NRG4: variants seen among roughly 807,000 people sequenced by gnomAD.
The protein encoded by NRG4 is neuregulin 4, also known as pro-neuregulin-4, membrane-bound isoform.
A neutral mutation model predicts 15.0 loss-of-function variants in NRG4; 10 were observed. The observed-to-expected ratio is 0.67, with a 90% CI of 0.41 to 1.13. The LOEUF (loss-of-function observed/expected upper bound fraction) is 1.13. Ranked by LOEUF, NRG4 falls within the 50% of genes most tolerant of loss-of-function variation. The pLI is 0.00. For missense variants in NRG4, 139 were observed against 140.2 expected (o/e 0.99, Z 0.04); for synonymous variants, 41 against 50.1 (o/e 0.82, Z 0.77).
At chr15:76,002,809 A>C (rs897093738) in intron 3 of NRG4, among the ~76,000 whole-genome samples, 8 of 152,174 alleles carry the variant, frequency 5.3e-5, no homozygotes, top group African/African-American at 1.9e-4. Context: ...ACATGTAATA[A>C]TTAACATAGC....
At chr15:76,031,710 C>A (rs938140729) in intron 5 of NRG4, among the ~76,000 whole-genome samples, 2 of 152,198 alleles carry the variant, frequency 1.3e-5, no homozygotes, top group Non-Finnish European at 2.9e-5. Flanking sequence ...CAAAGATTAG[C>A]TGGATGTGGT....
intron 5 of NRG4, among the ~76,000 whole-genome samples, chr15:75,954,580 C>T (rs1030664614): frequency 2.4e-4 from 37 of 151,586 alleles, no homozygotes; most frequent in Admixed American, 2.2e-3. Flanking sequence ...CAGGCACCCA[C>T]CATTGGTTTT....
At position 76,011,235 on chromosome 15, in the gene NRG4, A is replaced by C. The variant is rs2034798728; in HGVS notation, c.-5T>G. On this transcript the variant is annotated 5_prime_UTR_variant, in exon 2 of 6. Transcript: ENST00000394907. Reference sequence around the variant, plus strand: ...TAAGAAATTACCTGTTGGCATCTTAATTTGTAAATAGTTTCATTCTTGGTC... The same window carrying C: ...TAAGAAATTACCTGTTGGCATCTTACTTTGTAAATAGTTTCATTCTTGGTC... The C allele has an allele frequency of 8.9e-6, 13 of 1,454,694 alleles. No homozygotes were observed. The highest frequency in any genetic ancestry group is 1.1e-5 in the Non-Finnish European group (12 of 1,095,434). 90.1% of individuals were successfully genotyped at this position (1,454,694 alleles called of 1,614,324 possible).
intron 3 of NRG4, among the ~76,000 whole-genome samples, chr15:75,980,031 T>A (rs577082032): frequency 1.7e-4 from 26 of 152,310 alleles, no homozygotes; most frequent in African/African-American, 6.3e-4. Context: ...ATATGCAGTA[T>A]CTAAATATTA....
chr15:75,954,394 T>TGCCTG (rs1308683541), intron 5 of NRG4, among the ~76,000 whole-genome samples: 1 of 151,764 alleles, frequency 6.6e-6, no homozygotes, highest in Non-Finnish European at 1.5e-5. Context: ...TAACTGTGCT[T>TGCCTG]GCCTGGTATT....
chr15:76,016,643 A>T (rs181669420), upstream of NRG4, among the ~76,000 whole-genome samples: 3 of 152,226 alleles, frequency 2.0e-5, no homozygotes, highest in Admixed American at 1.3e-4. Flanking sequence ...GTACTTGTGC[A>T]GTTTTGAGTG....
intron 4 of NRG4, among the ~76,000 whole-genome samples, chr15:76,050,035 C>T (rs1022486406): frequency 3.3e-5 from 5 of 151,016 alleles, no homozygotes; most frequent in Non-Finnish European, 7.4e-5. Flanking sequence ...TTTCTGTGCT[C>T]CTAAAATAAC....
At chr15:75,987,453 A>G (rs1157141367) in intron 3 of NRG4, among the ~76,000 whole-genome samples, 1 of 152,144 alleles carries the variant, frequency 6.6e-6, no homozygotes, top group African/African-American at 2.4e-5. Context: ...CATACCTCCA[A>G]TGTGATGGTA....
intron 5 of NRG4, among the ~76,000 whole-genome samples, chr15:75,947,370 A>C (rs576643766): frequency 6.6e-6 from 1 of 152,284 alleles, no homozygotes; most frequent in South Asian, 2.1e-4. Context: ...AGACTCCCAG[A>C]AAGGGAGTCT....
chr15:75,960,916 C>G (rs887445228), intron 4 of NRG4, among the ~76,000 whole-genome samples: 2 of 152,098 alleles, frequency 1.3e-5, no homozygotes, highest in African/African-American at 2.4e-5. Context: ...TTGGAATAAA[C>G]TATTTAATAC....
intron 3 of NRG4, among the ~76,000 whole-genome samples, chr15:75,994,913 C>T (rs1389065991): frequency 1.3e-5 from 2 of 152,140 alleles, no homozygotes; most frequent in Non-Finnish European, 2.9e-5. Flanking sequence ...GTGGCTTATG[C>T]CTGTAATCCC....
At chr15:76,005,869 G>A (rs938979149) in intron 3 of NRG4, 24 of 369,530 alleles carry the variant, frequency 6.5e-5, no homozygotes, top group African/African-American at 3.4e-4. Flanking sequence ...TATATCTAAC[G>A]TAAATAGTGA....
chr15:75,989,338 G>A (rs375211282), intron 3 of NRG4, among the ~76,000 whole-genome samples: 176 of 151,982 alleles, frequency 1.2e-3, no homozygotes, highest in African/African-American at 4.1e-3. Context: ...TTCATGTAGC[G>A]TGGCCTACCG....
At chr15:76,049,032 A>G (rs1314788497) in intron 4 of NRG4, among the ~76,000 whole-genome samples, 1 of 150,432 alleles carries the variant, frequency 6.6e-6, no homozygotes, top group African/African-American at 2.5e-5. Flanking sequence ...GGATAGAGCA[A>G]TACTCCGTCA....
chr15:76,004,157 A>G (rs997699231), intron 3 of NRG4, among the ~76,000 whole-genome samples: 5 of 152,250 alleles, frequency 3.3e-5, no homozygotes, highest in African/African-American at 2.4e-5. Context: ...AGAGCTACAA[A>G]GAAGCAGAGT....
At chr15:76,055,767 G>A (rs1011004823) in intron 2 of NRG4, among the ~76,000 whole-genome samples, 26 of 152,100 alleles carry the variant, frequency 1.7e-4, no homozygotes, top group African/African-American at 5.6e-4. Context: ...TTTTCATGGA[G>A]GACTATTTTA....
chr15:76,008,297 ACTT>A (rs921449471), intron 3 of NRG4, among the ~76,000 whole-genome samples: 43 of 152,068 alleles, frequency 2.8e-4, no homozygotes, highest in African/African-American at 9.7e-4. Flanking sequence ...AGCCCTAAAA[ACTT>A]CTTGAGATAA....
chr15:75,935,731 A>G (rs2030272188), downstream of NRG4: 1 of 152,010 alleles, frequency 6.6e-6, no homozygotes, highest in Admixed American at 6.6e-5. Flanking sequence ...TTATATTGCA[A>G]ATTTAACAAA....
In NRG4 at chr15:75,977,474, C is replaced by T. The variant is rs933867541; in HGVS notation, c.105-15500G>A. 3.3e-5 allele frequency among the ~76,000 whole-genome samples: 5 copies of T among 152,224 alleles called. No homozygotes were observed. Among genetic ancestry groups the T allele is most frequent in the African/African-American group, 1.2e-4 (5 of 41,442 alleles). On this transcript the variant is annotated intron_variant, in intron 3 of 5. Transcript: ENST00000394907. The surrounding 1 kb of genome is among the most constrained non-coding windows in gnomAD (Gnocchi z 4.9). The stretch of plus-strand genomic sequence containing the variant: ...TAGGCACCCGAGGGAATCTCCTGGT[C>T]TGCGGGTTGCAAAGACCATGGGAAA...
Sources: gnomAD v4.1 joint callset for allele counts (sites outside exome capture counted in the v4.1 genomes callset) on GRCh38, gnomAD v4.1.1 for gene constraint, Gnocchi (gnomAD v3.1) non-coding constraint, MANE v1.5 for transcripts, NCBI Gene and HGNC (gene_info 2026-07-23, HGNC 2026-07-21) for gene names.